Variants in SH3BP5 observed in about 807,000 individuals in gnomAD.
SH3BP5 encodes the protein SH3 domain binding protein 5, also known as SH3 domain-binding protein 5.
A neutral mutation model predicts 43.3 loss-of-function variants in SH3BP5; 22 were observed. The ratio of observed to expected loss-of-function variants is 0.51; its 90% confidence interval spans 0.36 to 0.73. SH3BP5 has a LOEUF of 0.73. Among genes scored for constraint, SH3BP5 ranks in the 30% least tolerant of loss-of-function variants. SH3BP5 has a pLI of 0.00. For missense variants in SH3BP5, 529 were observed against 586.9 expected, an observed-to-expected ratio of 0.90 and a Z score of 1.02; for synonymous variants, 255 against 225.8, an observed-to-expected ratio of 1.13 and a Z score of -1.16.
At chr3:15,261,037 T>TG (rs1696418874) in intron 5 of SH3BP5, among the ~76,000 whole-genome samples, 1 of 152,224 alleles carries the variant, frequency 6.6e-6, no homozygotes, top group Non-Finnish European at 1.5e-5. Context: ...CTCGGCCTCC[T>TG]TGGGTGTTGG....
At chr3:15,314,925 G>A (rs75406687) in intron 2 of SH3BP5, among the ~76,000 whole-genome samples, 2,305 of 152,152 alleles carry the variant, frequency 0.015, 54 homozygotes, top group African/African-American at 0.051. Flanking sequence ...ACTTGCCACC[G>A]TGTTTCCAAT....
intron 3 of SH3BP5, among the ~76,000 whole-genome samples, chr3:15,272,725 T>G (rs188284294): frequency 0.02 from 2,870 of 144,336 alleles, 198 homozygotes; most frequent in African/African-American, 0.071. Context: ...TGTAGGAGAT[T>G]CGATGATACC....
intron 3 of SH3BP5, among the ~76,000 whole-genome samples, chr3:15,292,089 T>C (rs1326877802): frequency 6.6e-6 from 1 of 152,168 alleles, no homozygotes; most frequent in Non-Finnish European, 1.5e-5. Flanking sequence ...TTCCTTTCAC[T>C]GAAAAATTAA....
chr3:15,262,806 A>G (rs1396537091), intron 4 of SH3BP5, among the ~76,000 whole-genome samples: 2 of 151,902 alleles, frequency 1.3e-5, no homozygotes, highest in Admixed American at 6.6e-5. Context: ...AAAAATATAA[A>G]CATTTGCCAG....
chr3:15,295,955 T>C (rs904459838), intron 3 of SH3BP5, among the ~76,000 whole-genome samples: 22 of 128,960 alleles, frequency 1.7e-4, no homozygotes, highest in Non-Finnish European at 7.4e-5. Flanking sequence ...ATATAATTGA[T>C]TGTAAGAAAC....
At position 15,256,250 on chromosome 3, in the gene SH3BP5, G is replaced by T; in HGVS notation, c.1204C>A (p.Arg402=). The part of the protein sequence containing the change: ...NKTSDKANNN[R]GLSSSSGSGG... The stretch of plus-strand genomic sequence containing the variant: ...CTGCCACTGCTACTGCTGAGGCCCC[G>T]GTTGTTGTTGGCTTTGTCACTTGTT... Residue 402 remains arginine (R), a synonymous_variant, in exon 9 of 9, where the codon CGG becomes AGG. Transcript: ENST00000383791. The T allele has an allele frequency of 6.2e-6, 10 of 1,614,144 alleles. No homozygotes were observed. The highest frequency in any genetic ancestry group is 8.5e-6 in the Non-Finnish European group (10 of 1,180,032).
chr3:15,284,003 A>C (rs987763123), intron 3 of SH3BP5, among the ~76,000 whole-genome samples: 1 of 152,188 alleles, frequency 6.6e-6, no homozygotes. Flanking sequence ...AAGGAAGGAG[A>C]CTGGGACTCA....
In SH3BP5 at chr3:15,255,451, A is replaced by C. The variant is rs1427406701; in HGVS notation, c.*635T>G. On this transcript the variant is annotated 3_prime_UTR_variant, in exon 9 of 9. Transcript: ENST00000383791. ...ATCCCCACTGGCATTCACCTTTCCC[A>C]CCCCAAAAAGTGCAGCTCATGGTAG... 2.6e-5 allele frequency: 4 copies of C among 151,572 alleles called. No homozygotes were observed. Among genetic ancestry groups the C allele is most frequent in the Non-Finnish European group, 5.9e-5 (4 of 67,902 alleles). The allele number at this position is 151,572 out of a possible 1,614,324, so 9.4% of individuals were successfully genotyped here.
chr3:15,263,750 C>T (rs1212046511), intron 4 of SH3BP5, among the ~76,000 whole-genome samples: 2 of 152,222 alleles, frequency 1.3e-5, no homozygotes, highest in African/African-American at 2.4e-5. Flanking sequence ...CAGAACAAGG[C>T]CTGCCTTGAA....
chr3:15,262,179 CTT>C lies in SH3BP5; in HGVS notation c.604_605del (p.Lys202GlufsTer11). The C allele has an allele frequency of 2.5e-6, 4 of 1,614,102 alleles. No individual in the cohort carries two copies. The highest frequency in any genetic ancestry group is 1.6e-4 in the Middle Eastern group (1 of 6,062). ...CTTACTTGGACTTGTTGATGGCTCT[CTT>C]GAGTTTCTTCTCCAGCTGTCGCATG... ...GRMRQLEKKL[K>X]RAINKSKPYF... On this transcript the variant is annotated frameshift_variant, in exon 5 of 9. Transcript: ENST00000383791. LOFTEE classifies it high-confidence loss of function.
intron 3 of SH3BP5, among the ~76,000 whole-genome samples, chr3:15,300,400 C>T (rs1027344953): frequency 3.3e-5 from 5 of 152,100 alleles, no homozygotes; most frequent in Non-Finnish European, 7.4e-5. Flanking sequence ...GACGCAGTGC[C>T]TCCTGACTCA....
At chr3:15,317,672 T>A (rs1279357239) in intron 2 of SH3BP5, among the ~76,000 whole-genome samples, 1 of 152,236 alleles carries the variant, frequency 6.6e-6, no homozygotes, top group African/African-American at 2.4e-5. Context: ...AGAGCTTTTG[T>A]ATTTCTCCAG....
At position 15,283,206 on chromosome 3, in the gene SH3BP5, C is replaced by T. The variant is rs1162790883; in HGVS notation, c.331-13329G>A. Among the ~76,000 whole-genome samples the T allele has an allele frequency of 3.9e-5, 6 of 152,040 alleles. No homozygotes were observed. In the East Asian group the frequency reaches 9.7e-4, roughly 24 times the overall value. Reference sequence around the variant, plus strand: ...TGAGGCCAGAAGTTCAAGACCAGCCCGGCCAACATGGCAAAACCCCGTCTC... The same window carrying T: ...TGAGGCCAGAAGTTCAAGACCAGCCTGGCCAACATGGCAAAACCCCGTCTC... On this transcript the variant is annotated intron_variant, in intron 3 of 8. Coordinates refer to ENST00000383791, the MANE Select transcript of SH3BP5 (RefSeq NM_004844.5).
Position 15,330,532 on chromosome 3 carries a change from T to C in SH3BP5, c.173A>G (p.Asp58Gly), listed in dbSNP as rs1376421937. 8 of 1,613,434 alleles carry C rather than the reference T, an allele frequency of 5.0e-6. No homozygotes were observed. Among genetic ancestry groups the C allele is most frequent in the East Asian group, 4.5e-5 (2 of 44,880 alleles). The change falls in exon 2 of 9, where the codon GAT becomes GGT. Residue 58 changes from aspartate (D) to glycine (G), a missense_variant. Asp to Gly is a moderately conservative substitution (Grantham distance 94, BLOSUM62 -1). This residue lies in a region of SH3BP5 where 85 missense variants were observed against 140.8 expected (regional missense o/e 0.60). Transcript: ENST00000383791. ...ELEKLNQSTD[D>G]INRRETELED... ...AAGTTCAGTCTCCCGTCTGTTGATA[T>C]CATCCGTGGACTGATTTAACTTCTC...
intron 3 of SH3BP5, among the ~76,000 whole-genome samples, chr3:15,297,946 G>A (rs1047003959): frequency 3.3e-5 from 5 of 151,206 alleles, no homozygotes; most frequent in African/African-American, 1.2e-4. Flanking sequence ...CATAGCAAAA[G>A]CTAACTGATA....
intron 3 of SH3BP5, among the ~76,000 whole-genome samples, chr3:15,275,362 C>G (rs901345779): frequency 2.6e-5 from 4 of 152,230 alleles, no homozygotes; most frequent in Non-Finnish European, 4.4e-5. Flanking sequence ...CCGGAGAGAG[C>G]TGGCTATCTG....
At chr3:15,309,903 T>TCC (rs1466434971) in intron 2 of SH3BP5, among the ~76,000 whole-genome samples, 77 of 112,760 alleles carry the variant, frequency 6.8e-4, no homozygotes, top group Middle Eastern at 5.1e-3. Context: ...TCTTCCCCGC[T>TCC]CCACCCCCCC....
upstream of SH3BP5, among the ~76,000 whole-genome samples, chr3:15,336,332 A>C (rs1014006099): frequency 6.6e-6 from 1 of 152,164 alleles, no homozygotes. Flanking sequence ...AGAGGCAAGC[A>C]TGTGGGTAGG....
chr3:15,258,774 G>C (rs1315642735), intron 7 of SH3BP5, 57 bp downstream of exon 7: 2 of 1,492,422 alleles, frequency 1.3e-6, no homozygotes, highest in Non-Finnish European at 1.9e-6. Context: ...AGGACCTTGG[G>C]AAACAAATCA....
Sources: allele counts gnomAD v4.1 joint callset (sites outside exome capture counted in the v4.1 genomes callset), GRCh38; gene constraint gnomAD v4.1.1; regional missense constraint gnomAD v4.1.1; transcripts MANE v1.5; gene names NCBI Gene and HGNC (gene_info 2026-07-23, HGNC 2026-07-21).